Variants in ZNF582 observed in about 807,000 individuals in gnomAD.
ZNF582 encodes zinc finger protein 582.
Under a neutral mutation model 12.3 loss-of-function variants are expected in ZNF582, and 14 were observed. The observed-to-expected ratio is 1.14, with a 90% CI of 0.75 to 1.78. The LOEUF (loss-of-function observed/expected upper bound fraction) is 1.78, where lower values mean the gene tolerates loss of function less well. Among genes scored for constraint, ZNF582 ranks in the 40% most tolerant of loss-of-function variants. The pLI, the probability that ZNF582 is intolerant of heterozygous loss-of-function variation, is 0.00. For missense variants in ZNF582, 567 were observed against 616.5 expected, an observed-to-expected ratio of 0.92 and a Z score of 0.85; for synonymous variants, 210 against 207.2, an observed-to-expected ratio of 1.01 and a Z score of -0.11.
At chr19:56,385,171 T>A (rs1001368561) in exon 5 of ZNF582, 3 of 1,596,172 alleles carry the variant, frequency 1.9e-6, no homozygotes, top group Admixed American at 1.7e-5. Flanking sequence ...TGGTATCATA[T>A]CTGGACTCCA....
chr19:56,384,136 T>G (rs372757495), exon 5 of ZNF582: 59 of 1,612,814 alleles, frequency 3.7e-5, no homozygotes, highest in Non-Finnish European at 4.9e-5. Context: ...CCTTCCCACA[T>G]TCCTTACATT....
At chr19:56,384,197 A>T in exon 5 of ZNF582, 1 of 1,609,906 alleles carries the variant, frequency 6.2e-7, no homozygotes, top group Admixed American at 1.7e-5. Flanking sequence ...AAGATGTGAG[A>T]CCCGTTTGAA....
chr19:56,384,982 T>G, exon 5 of ZNF582: 1 of 1,614,156 alleles, frequency 6.2e-7, no homozygotes, highest in South Asian at 1.1e-5. Flanking sequence ...TTTCTTCATG[T>G]CTGATGATCA....
chr19:56,384,009 G>A lies in ZNF582; in HGVS notation c.1408C>T (p.Gln470Ter). 1 of 1,613,900 alleles carries A rather than the reference G, an allele frequency of 6.2e-7. No individual in the cohort carries two copies. Among genetic ancestry groups the A allele is most frequent in the Non-Finnish European group, 8.5e-7 (1 of 1,179,964 alleles). The change falls in exon 5 of 5, where the codon CAG becomes TAG. Residue 470 changes from glutamine to a stop codon, truncating the protein, a stop_gained. Coordinates refer to ENST00000586929, the Ensembl canonical transcript of ZNF582. LOFTEE classifies it low-confidence loss of function (END_TRUNC). ...TGTGTTTCTCTATTATGCATTCTCT[G>A]AGGTTGAACGGTAGTTGAATCATGA... is the stretch of plus-strand genomic sequence containing the variant.
intron 1 of ZNF582, 107 bp from the exon 2 acceptor site, chr19:56,391,939 G>A: frequency 1.1e-6 from 1 of 923,654 alleles, no homozygotes; most frequent in Non-Finnish European, 1.6e-6. Context: ...AAGAAAATGA[G>A]AAGGAGGGGG....
intron 1 of ZNF582, 40 bp from the exon 2 acceptor site, chr19:56,391,872 C>T (rs946148634): frequency 6.4e-7 from 1 of 1,567,262 alleles, no homozygotes; most frequent in Non-Finnish European, 8.8e-7. Flanking sequence ...CTAGGCTTGC[C>T]TCACAGTTCC....
At chr19:56,384,793 A>G (rs2041950558) in exon 5 of ZNF582, 3 of 1,597,860 alleles carry the variant, frequency 1.9e-6, no homozygotes, top group Non-Finnish European at 2.6e-6. Flanking sequence ...AGCCATATTT[A>G]AAGGCCTTCC....
intron 4 of ZNF582, chr19:56,388,568 C>G (rs2041987629): frequency 6.6e-6 from 1 of 152,184 alleles, no homozygotes; most frequent in Non-Finnish European, 1.5e-5. Context: ...TCTATTTCTA[C>G]AGTGCTTTCC....
intron 4 of ZNF582, among the ~76,000 whole-genome samples, chr19:56,387,947 G>A (rs569270141): frequency 1.1e-4 from 16 of 152,226 alleles, no homozygotes; most frequent in African/African-American, 3.9e-4. Context: ...TTGCTTATGC[G>A]AAGATTTATG....
intron 4 of ZNF582, chr19:56,386,149 T>C (rs990284434): frequency 6.6e-6 from 1 of 152,200 alleles, no homozygotes; most frequent in African/African-American, 2.4e-5. Flanking sequence ...AAAGTGGTGT[T>C]GGAAGTGTGT....
chr19:56,383,548 ATTTC>A, exon 5 of ZNF582: 1 of 208,536 alleles, frequency 4.8e-6, no homozygotes, highest in Non-Finnish European at 9.4e-6. Flanking sequence ...TAATTGCATG[ATTTC>A]TTTGTTAAGC....
exon 5 of ZNF582, chr19:56,385,106 A>G (rs768832897): frequency 6.2e-7 from 1 of 1,613,910 alleles, no homozygotes; most frequent in South Asian, 1.1e-5. Flanking sequence ...GCTTTCCATT[A>G]TCTCCCATTG....
At chr19:56,391,898 C>A in intron 1 of ZNF582, 66 bp from the exon 2 acceptor site, 2 of 1,407,556 alleles carry the variant, frequency 1.4e-6, no homozygotes, top group Non-Finnish European at 2.0e-6. Context: ...TGCCAAGTTA[C>A]AAGTCCCCAC....
intron 4 of ZNF582, 116 bp downstream of exon 4, chr19:56,389,885 A>AGTGT: frequency 2.7e-6 from 2 of 733,632 alleles, no homozygotes; most frequent in Admixed American, 2.7e-5. Flanking sequence ...AACAACACGT[A>AGTGT]AGACATAAGC....
At chr19:56,393,084 C>T (rs2042029773) in intron 1 of ZNF582, 136 bp downstream of exon 1, 3 of 684,164 alleles carry the variant, frequency 4.4e-6, no homozygotes, top group Middle Eastern at 3.1e-4. Context: ...GGTTCTAAGT[C>T]TTCTGGGGTC....
chr19:56,389,874 A>G, intron 4 of ZNF582, 127 bp downstream of exon 4: 1 of 669,786 alleles, frequency 1.5e-6, no homozygotes, highest in South Asian at 2.0e-5. Context: ...GAGCTGAGGA[A>G]AACAACACGT....
At chr19:56,384,274 T>C (rs763295475) in exon 5 of ZNF582, 5 of 1,613,806 alleles carry the variant, frequency 3.1e-6, no homozygotes, top group Non-Finnish European at 4.2e-6. Flanking sequence ...GTTGCTTGAG[T>C]TGTGAGCTCA....
exon 5 of ZNF582, chr19:56,384,924 G>C: frequency 6.2e-7 from 1 of 1,614,082 alleles, no homozygotes; most frequent in South Asian, 1.1e-5. Context: ...TCTCTAGTAT[G>C]AATTTTCTGA....
At chr19:56,388,708 C>T (rs1016496099) in intron 4 of ZNF582, among the ~76,000 whole-genome samples, 2 of 152,144 alleles carry the variant, frequency 1.3e-5, no homozygotes, top group Non-Finnish European at 2.9e-5. Context: ...TCTCGGATCA[C>T]TGCAATCTCC....
Sources: allele counts gnomAD v4.1 joint callset (sites outside exome capture counted in the v4.1 genomes callset), GRCh38; gene constraint gnomAD v4.1.1; transcripts MANE v1.5; gene names NCBI Gene and HGNC (gene_info 2026-07-23, HGNC 2026-07-21).